The following DIAPH3 variants were observed in gnomAD, a reference collection of about 807,000 sequenced individuals.
The protein encoded by DIAPH3 is diaphanous related formin 3, also known as protein diaphanous homolog 3.
DIAPH3 carries 117 observed loss-of-function variants against 144.3 expected under a neutral mutation model. The ratio of observed to expected loss-of-function variants is 0.81; its 90% CI spans 0.70 to 0.95. The LOEUF is 0.95. Ranked by LOEUF, DIAPH3 falls within the 40% of genes least tolerant of loss-of-function variation. DIAPH3 has a pLI of 0.00. For synonymous variants in DIAPH3, 519 were observed against 488.9 expected, an observed-to-expected ratio of 1.06 and a Z score of -0.81; for missense variants, 1,421 against 1,412.7, an observed-to-expected ratio of 1.01 and a Z score of -0.09.
chr13:60,151,209 T>C (rs570044492), intron 1 of DIAPH3, among the ~76,000 whole-genome samples: 44 of 152,344 alleles, frequency 2.9e-4, no homozygotes, highest in African/African-American at 9.1e-4. Context: ...TTAATAATAG[T>C]TGTCACATAT....
At chr13:59,801,672 CT>C (rs1442159372) in intron 25 of DIAPH3, among the ~76,000 whole-genome samples, 1 of 152,282 alleles carries the variant, frequency 6.6e-6, no homozygotes, top group East Asian at 1.9e-4. Flanking sequence ...TTCTTCCTGC[CT>C]TGGGGCATTC....
intron 4 of DIAPH3, among the ~76,000 whole-genome samples, chr13:60,081,421 G>C (rs562019884): frequency 1.3e-5 from 2 of 151,944 alleles, no homozygotes; most frequent in African/African-American, 4.8e-5. Context: ...TTAGGGCAGC[G>C]GGGGTGCTAA....
At chr13:59,731,406 T>G (rs2035884418) in intron 27 of DIAPH3, among the ~76,000 whole-genome samples, 1 of 152,208 alleles carries the variant, frequency 6.6e-6, no homozygotes, top group Non-Finnish European at 1.5e-5. Flanking sequence ...TTAATTCTGA[T>G]TAATGTTCTA....
chr13:60,009,607 G>T (rs967597237), intron 8 of DIAPH3, among the ~76,000 whole-genome samples: 3 of 152,200 alleles, frequency 2.0e-5, no homozygotes, highest in Non-Finnish European at 4.4e-5. Context: ...GGCTTTGCAC[G>T]CTTGGGACTG....
chr13:59,728,476 G>A (rs910914791), intron 27 of DIAPH3, among the ~76,000 whole-genome samples: 2 of 152,050 alleles, frequency 1.3e-5, no homozygotes, highest in Non-Finnish European at 2.9e-5. Flanking sequence ...AGAAAAGATA[G>A]AAGAGATAGT....
chr13:59,875,080 G>A (rs2044529632), intron 21 of DIAPH3, among the ~76,000 whole-genome samples: 1 of 152,124 alleles, frequency 6.6e-6, no homozygotes, highest in Non-Finnish European at 1.5e-5. Context: ...CCCTATCAAC[G>A]TGTCTCTTGG....
intron 20 of DIAPH3, among the ~76,000 whole-genome samples, chr13:59,880,978 CAAA>C (rs77481523): frequency 6.2e-5 from 4 of 64,812 alleles, no homozygotes; most frequent in East Asian, 3.4e-4. Context: ...CAACAAGGAC[CAAA>C]AAAAAAAAAA....
intron 5 of DIAPH3, among the ~76,000 whole-genome samples, chr13:60,021,450 C>A (rs890362707): frequency 6.6e-6 from 1 of 152,106 alleles, no homozygotes; most frequent in Non-Finnish European, 1.5e-5. Flanking sequence ...CACGGAGAAA[C>A]CCCGTTTCTA....
intron 2 of DIAPH3, among the ~76,000 whole-genome samples, chr13:60,115,762 C>G (rs867432506): frequency 1.3e-5 from 2 of 151,866 alleles, no homozygotes; most frequent in Admixed American, 6.6e-5. Context: ...ATATATATAA[C>G]TTTTTCTTTT....
intron 20 of DIAPH3, among the ~76,000 whole-genome samples, chr13:59,883,279 A>G (rs1271041803): frequency 6.6e-6 from 1 of 152,120 alleles, no homozygotes; most frequent in African/African-American, 2.4e-5. Context: ...ATATAATTTT[A>G]TCCATTATTC....
rs563164651 is a variant in DIAPH3, at chr13:60,077,192, T to G, written c.495+16436A>C. ...TTATTTTGATTACTGAAACAACCTT[T>G]GTGTCCTAAAAAAAAAATCCTCAAA... On this transcript the variant is annotated intron_variant, in intron 4 of 27. Coordinates refer to ENST00000400324, the MANE Select transcript of DIAPH3 (RefSeq NM_001042517.2). 3.3e-5 allele frequency among the ~76,000 whole-genome samples: 5 copies of G among 152,098 alleles called. No homozygotes were observed. The South Asian group carries it at 8.3e-4, about 25-fold the overall frequency.
chr13:60,006,252 A>G (rs1389137339), intron 9 of DIAPH3, among the ~76,000 whole-genome samples: 2 of 152,196 alleles, frequency 1.3e-5, no homozygotes, highest in African/African-American at 4.8e-5. Context: ...AAACTTTCCA[A>G]TAAATGAGGA....
intron 5 of DIAPH3, 153 bp downstream of exon 5, chr13:60,042,537 T>G: frequency 1.1e-6 from 1 of 931,940 alleles, no homozygotes; most frequent in Non-Finnish European, 1.6e-6. Context: ...AAGGTACTAT[T>G]GAGACTATAT....
At chr13:59,980,101 T>C (rs528883736) in intron 14 of DIAPH3, among the ~76,000 whole-genome samples, 1 of 151,658 alleles carries the variant, frequency 6.6e-6, no homozygotes, top group African/African-American at 2.4e-5. Context: ...TCAAAAAAAT[T>C]GCAATCTCAG....
chr13:59,999,490 C>T (rs992755599), intron 9 of DIAPH3, among the ~76,000 whole-genome samples: 2 of 152,042 alleles, frequency 1.3e-5, no homozygotes, highest in African/African-American at 4.8e-5. Flanking sequence ...CATAACAATG[C>T]AACTCTCAGT....
intron 8 of DIAPH3, 103 bp from the exon 9 acceptor site, chr13:60,008,752 A>G: frequency 1.3e-6 from 1 of 769,798 alleles, no homozygotes; most frequent in Non-Finnish European, 2.3e-6. Context: ...AGCAGCCAAT[A>G]TATTTTAGAA....
intron 9 of DIAPH3, among the ~76,000 whole-genome samples, chr13:60,008,318 C>A (rs927210625): frequency 2.0e-5 from 3 of 152,126 alleles, no homozygotes; most frequent in African/African-American, 7.2e-5. Context: ...ATGGTGTGAA[C>A]CCAGGAGGCA....
intron 27 of DIAPH3, among the ~76,000 whole-genome samples, chr13:59,713,272 A>G (rs1160832249): frequency 6.7e-6 from 1 of 149,494 alleles, no homozygotes; most frequent in East Asian, 1.9e-4. Flanking sequence ...GTGTTTCACT[A>G]TTTTCCCCAG....
intron 17 of DIAPH3, among the ~76,000 whole-genome samples, chr13:59,942,132 G>A (rs575857434): frequency 1.3e-5 from 2 of 152,006 alleles, no homozygotes; most frequent in African/African-American, 4.8e-5. Flanking sequence ...TATTCTTCAG[G>A]ATAACCATTA....
Sources: allele counts gnomAD v4.1 joint callset (sites outside exome capture counted in the v4.1 genomes callset), GRCh38; gene constraint gnomAD v4.1.1; transcripts MANE v1.5; gene names NCBI Gene and HGNC (gene_info 2026-07-23, HGNC 2026-07-21).